ECT2L: variants seen among roughly 807,000 people sequenced by gnomAD.
ECT2L encodes epithelial cell transforming 2 like.
In ECT2L, 126 loss-of-function variants were observed where a neutral mutation model predicts 122.8. That is an observed-to-expected ratio of 1.03 (90% CI 0.89 to 1.19). The LOEUF (loss-of-function observed/expected upper bound fraction) is 1.19, where lower values mean the gene tolerates loss of function less well. Ranked by LOEUF, ECT2L falls within the 50% of genes most tolerant of loss-of-function variation. The pLI is 0.00. For synonymous variants in ECT2L, 385 were observed against 381.8 expected, an observed-to-expected ratio of 1.01 and a Z score of -0.10; for missense variants, 1,012 against 1,064.1, an observed-to-expected ratio of 0.95 and a Z score of 0.68.
Position 138,861,850 on chromosome 6 carries a change from T to A in ECT2L, c.1199-777T>A, listed in dbSNP as rs117342832. On this transcript the variant is annotated intron_variant, in intron 10 of 21. Transcript: ENST00000541398. ...ATCATATTCCATCCTGTTTTTAACTTTTTAAAATCTGTCCTCTTACAATGA... is the reference window on the plus strand; with the variant it reads ...ATCATATTCCATCCTGTTTTTAACTATTTAAAATCTGTCCTCTTACAATGA... Among the ~76,000 whole-genome samples, 124 of 152,336 alleles carry A rather than the reference T, an allele frequency of 8.1e-4. 3 individuals are homozygous for A. The East Asian group carries it at 0.024, about 29-fold the overall frequency.
At chr6:138,817,600 A>T (rs188312960) in intron 4 of ECT2L, among the ~76,000 whole-genome samples, 134 of 152,286 alleles carry the variant, frequency 8.8e-4, no homozygotes, top group African/African-American at 3.2e-3. Context: ...CTGTCAACAC[A>T]ATTTTCTTTT....
chr6:138,858,809 G>C (rs1028068174), intron 10 of ECT2L, among the ~76,000 whole-genome samples: 3 of 143,806 alleles, frequency 2.1e-5, no homozygotes, highest in African/African-American at 7.7e-5. Flanking sequence ...GGGGTCAAGC[G>C]ATCCTCCCAC....
At chr6:138,890,492 C>CTTTTTTTTTCTTTTTTTTTTTTTTTTT (rs1778980543) in intron 20 of ECT2L, among the ~76,000 whole-genome samples, 1 of 78,990 alleles carries the variant, frequency 1.3e-5, no homozygotes, top group Non-Finnish European at 2.2e-5. Context: ...TTTCTTTGAT[C>CTTTTTTTTTCTTTTTTTTTTTTTTTTT]TTTTTTTTTT....
intron 1 of ECT2L, among the ~76,000 whole-genome samples, chr6:138,806,915 T>C (rs1227961481): frequency 1.3e-5 from 2 of 152,174 alleles, no homozygotes; most frequent in Admixed American, 1.3e-4. Flanking sequence ...GTATGTTATG[T>C]GTATTATATA....
chr6:138,825,448 G>A (rs925191372), intron 4 of ECT2L, among the ~76,000 whole-genome samples: 2 of 145,396 alleles, frequency 1.4e-5, no homozygotes, highest in Non-Finnish European at 2.9e-5. Context: ...CAGGTGTGGT[G>A]GGGGGGCACC....
intron 1 of ECT2L, among the ~76,000 whole-genome samples, chr6:138,799,558 T>G (rs553465447): frequency 1.3e-5 from 2 of 151,664 alleles, no homozygotes; most frequent in South Asian, 4.2e-4. Flanking sequence ...CCCGGCCTCT[T>G]TTCTTTTTTT....
At chr6:138,862,312 A>G (rs1453783962) in intron 10 of ECT2L, among the ~76,000 whole-genome samples, 1 of 152,166 alleles carries the variant, frequency 6.6e-6, no homozygotes, top group Non-Finnish European at 1.5e-5. Context: ...GGGAGCTTAT[A>G]ATCACGGCAG....
intron 9 of ECT2L, among the ~76,000 whole-genome samples, chr6:138,850,992 C>T (rs1308714970): frequency 2.4e-4 from 10 of 41,744 alleles, no homozygotes; most frequent in Admixed American, 7.1e-4. Context: ...GAAACTCCAT[C>T]TCAAAAAAAA....
chr6:138,860,739 T>G (rs901853875), intron 10 of ECT2L, among the ~76,000 whole-genome samples: 2 of 149,506 alleles, frequency 1.3e-5, no homozygotes, highest in Admixed American at 6.7e-5. Flanking sequence ...CTTTAAGTTC[T>G]GGGATACAAG....
intron 5 of ECT2L, among the ~76,000 whole-genome samples, chr6:138,841,195 G>T (rs957653173): frequency 6.6e-6 from 1 of 152,238 alleles, no homozygotes; most frequent in East Asian, 1.9e-4. Context: ...CATGTCTGAT[G>T]ATTACAATAT....
In ECT2L at chr6:138,897,259, T is replaced by C. The variant is rs570266029; in HGVS notation, c.2415-3689T>C. Among the ~76,000 whole-genome samples, 336 of 152,062 alleles carry C rather than the reference T, an allele frequency of 2.2e-3. 2 individuals carry two copies. Among genetic ancestry groups the C allele is most frequent in the African/African-American group, 7.9e-3 (326 of 41,462 alleles). On this transcript the variant is annotated intron_variant, in intron 20 of 21. Coordinates refer to ENST00000541398, the MANE Select transcript of ECT2L (RefSeq NM_001077706.3). ...TGCTCCATTATGTCAATACTAAAGATGAAATTACAGCCATATCTGCAGGCC... is the reference window on the plus strand; with the variant it reads ...TGCTCCATTATGTCAATACTAAAGACGAAATTACAGCCATATCTGCAGGCC...
At chr6:138,841,426 C>A (rs1393286282) in intron 5 of ECT2L, among the ~76,000 whole-genome samples, 3 of 152,170 alleles carry the variant, frequency 2.0e-5, no homozygotes, top group Non-Finnish European at 4.4e-5. Context: ...CAAATCCAGT[C>A]AAGGAATGAG....
chr6:138,823,395 G>C, intron 4 of ECT2L: 1 of 1,608,154 alleles, frequency 6.2e-7, no homozygotes, highest in East Asian at 2.2e-5. Flanking sequence ...TCTTATTATG[G>C]GGGTGTGCTA....
chr6:138,896,589 C>T (rs532610778), intron 20 of ECT2L, among the ~76,000 whole-genome samples: 2 of 152,286 alleles, frequency 1.3e-5, no homozygotes, highest in South Asian at 4.1e-4. Context: ...AGTTTTGACT[C>T]AGGTCAGCTC....
At chr6:138,877,132 A>C (rs1295609288) in intron 14 of ECT2L, among the ~76,000 whole-genome samples, 1 of 152,206 alleles carries the variant, frequency 6.6e-6, no homozygotes, top group Non-Finnish European at 1.5e-5. Flanking sequence ...TTATAGATAA[A>C]GAACTAGAGT....
intron 4 of ECT2L, among the ~76,000 whole-genome samples, chr6:138,835,177 A>T (rs1776788581): frequency 6.6e-6 from 1 of 152,212 alleles, no homozygotes; most frequent in Non-Finnish European, 1.5e-5. Flanking sequence ...AATAATTTTT[A>T]ACTTACAGAA....
intron 19 of ECT2L, 152 bp downstream of exon 19, chr6:138,887,074 T>C (rs1352596629): frequency 8.8e-6 from 6 of 683,620 alleles, no homozygotes; most frequent in Non-Finnish European, 1.5e-5. Context: ...TTCACATCCT[T>C]GTTACCTGCA....
chr6:138,803,961 C>T (rs1775631243), intron 1 of ECT2L, among the ~76,000 whole-genome samples: 1 of 152,224 alleles, frequency 6.6e-6, no homozygotes, highest in African/African-American at 2.4e-5. Context: ...TGTACTCTCT[C>T]TTCTTGGAAT....
chr6:138,844,149 A>G (rs1230001782), intron 6 of ECT2L, among the ~76,000 whole-genome samples: 1 of 152,362 alleles, frequency 6.6e-6, no homozygotes, highest in Non-Finnish European at 1.5e-5. Context: ...ACACCTATCA[A>G]TTGATTAACT....
Sources: allele counts gnomAD v4.1 joint callset (sites outside exome capture counted in the v4.1 genomes callset), GRCh38; gene constraint gnomAD v4.1.1; transcripts MANE v1.5; gene names NCBI Gene and HGNC (gene_info 2026-07-23, HGNC 2026-07-21).